The following TEX14 variants were observed in gnomAD, a reference collection of about 807,000 sequenced individuals.
TEX14 encodes testis expressed 14, intercellular bridge forming factor.
In TEX14, 168 loss-of-function variants were observed where a neutral mutation model predicts 178.6. That is an observed-to-expected ratio of 0.94 (90% CI 0.83 to 1.07). TEX14 has a LOEUF of 1.07. Ranked by LOEUF, TEX14 falls within the 50% of genes least tolerant of loss-of-function variation. The pLI is 0.00. For missense variants in TEX14, 1,730 were observed against 1,753.6 expected, an observed-to-expected ratio of 0.99 and a Z score of 0.24; for synonymous variants, 626 against 634.1, an observed-to-expected ratio of 0.99 and a Z score of 0.19.
chr17:58,679,014 C>T (rs1451942333), intron 1 of TEX14, among the ~76,000 whole-genome samples: 3 of 151,708 alleles, frequency 2.0e-5, no homozygotes, highest in East Asian at 3.9e-4. Context: ...ATTAGCAAGG[C>T]GTGGTGGCGT....
intron 2 of TEX14, among the ~76,000 whole-genome samples, chr17:58,632,350 T>C (rs1598404018): frequency 6.6e-6 from 1 of 152,264 alleles, no homozygotes; most frequent in Admixed American, 6.5e-5. Flanking sequence ...GAGTTTTTAT[T>C]CTACATGGCA....
chr17:58,596,990 GA>G (rs1348849161), intron 14 of TEX14, among the ~76,000 whole-genome samples: 1 of 152,196 alleles, frequency 6.6e-6, no homozygotes, highest in African/African-American at 2.4e-5. Context: ...ATTGTACAAT[GA>G]AAGAACAACA....
intron 14 of TEX14, 93 bp from the exon 15 acceptor site, chr17:58,593,754 G>A: frequency 9.2e-7 from 1 of 1,085,902 alleles, no homozygotes; most frequent in Non-Finnish European, 1.4e-6. Context: ...CTTGCTAAAT[G>A]TATAGAAATA....
chr17:58,599,703 T>A (rs755197171), intron 13 of TEX14, 37 bp from the exon 14 acceptor site: 1 of 1,544,624 alleles, frequency 6.5e-7, no homozygotes. Context: ...CTCATTAAAA[T>A]GAACATATTT....
chr17:58,573,241 A>T lies in TEX14; in HGVS notation c.3451T>A (p.Ser1151Thr), dbSNP rs140397968. 1.7e-5 allele frequency: 27 copies of T among 1,614,144 alleles called. No homozygotes were observed. The African/African-American group carries it at 3.5e-4, about 21-fold the overall frequency. Residue 1151 changes from serine to threonine, a missense_variant, in exon 23 of 32, where the codon TCA becomes ACA. Around this residue, in one of 2 missense-constraint regions of TEX14, gnomAD observed 941 missense variants for 1,072.4 expected, o/e 0.88. Coordinates refer to ENST00000349033, the MANE Select transcript of TEX14 (RefSeq NM_031272.5). ...YEPDSSFKEA[S>T]CKTPKINHAP... is the part of the protein sequence containing the mutation. ...TGGTTTATTTTGGGTGTTTTGCATG[A>T]AGCTTCCTTAAAAGAGCTGTCTGGT...
Position 58,613,522 on chromosome 17 carries a change from G to T in TEX14, c.904C>A (p.Leu302Ile). The T allele has an allele frequency of 6.2e-7, 1 of 1,614,194 alleles. No homozygotes were observed. The highest frequency in any genetic ancestry group is 8.5e-7 in the Non-Finnish European group (1 of 1,180,012). ...HSSKLRHPYL[L>I]QLMAVCLSQD... is the part of the protein sequence containing the mutation. ...GAGAGACACACAGCCATCAACTGTA[G>T]CAAGTAGGGGTGCCGCAGCTTGCTG... Residue 302 changes from leucine (L) to isoleucine (I), a missense_variant, in exon 9 of 32, where the codon CTA becomes ATA. Leu to Ile is a conservative substitution (Grantham distance 5). This residue lies in a region of TEX14 where 789 missense variants were observed against 681.2 expected (regional missense o/e 1.16). Coordinates refer to ENST00000349033, the MANE Select transcript of TEX14 (RefSeq NM_031272.5).
At chr17:58,645,824 T>C (rs940384410) in intron 2 of TEX14, among the ~76,000 whole-genome samples, 5 of 152,210 alleles carry the variant, frequency 3.3e-5, no homozygotes, top group Admixed American at 2.6e-4. Context: ...GACCCTCCCA[T>C]ACCAGTAAAA....
chr17:58,629,456 GAAAA>G (rs969535540), intron 3 of TEX14, among the ~76,000 whole-genome samples: 1 of 79,782 alleles, frequency 1.3e-5, no homozygotes, highest in African/African-American at 4.8e-5. Flanking sequence ...CATGTGTCAG[GAAAA>G]AAAAAAAAAA....
intron 1 of TEX14, among the ~76,000 whole-genome samples, chr17:58,664,258 A>G (rs1487131390): frequency 6.6e-6 from 1 of 152,208 alleles, no homozygotes; most frequent in Non-Finnish European, 1.5e-5. Flanking sequence ...AATGGTATCC[A>G]TGAATGCCAG....
At chr17:58,667,865 C>A (rs532270202) in intron 1 of TEX14, among the ~76,000 whole-genome samples, 1 of 151,042 alleles carries the variant, frequency 6.6e-6, no homozygotes, top group South Asian at 2.1e-4. Context: ...CGCACTCCAG[C>A]CTGGGCGACA....
intron 8 of TEX14, among the ~76,000 whole-genome samples, chr17:58,613,847 A>G (rs1567736126): frequency 1.3e-5 from 2 of 151,988 alleles, no homozygotes; most frequent in Non-Finnish European, 2.9e-5. Context: ...TTGTATTTCT[A>G]GTAGAGATGG....
intron 15 of TEX14, among the ~76,000 whole-genome samples, chr17:58,591,355 T>C (rs2045136053): frequency 6.6e-6 from 1 of 151,952 alleles, no homozygotes; most frequent in Non-Finnish European, 1.5e-5. Flanking sequence ...CCATCTCTAC[T>C]AAAAAATACA....
chr17:58,582,942 T>A (rs2044859220), intron 19 of TEX14, among the ~76,000 whole-genome samples: 1 of 151,822 alleles, frequency 6.6e-6, no homozygotes. Context: ...CTGATTACTA[T>A]GTGGCCAAAC....
At chr17:58,681,463 T>C (rs1213580456) in intron 1 of TEX14, among the ~76,000 whole-genome samples, 1 of 152,106 alleles carries the variant, frequency 6.6e-6, no homozygotes, top group Non-Finnish European at 1.5e-5. Flanking sequence ...TTCAAAGAAG[T>C]ATTATGTAAT....
Position 58,636,649 on chromosome 17 carries a change from CG to C in TEX14, c.137-6096del, listed in dbSNP as rs202245282. On this transcript the variant is annotated intron_variant, in intron 2 of 31. Coordinates refer to ENST00000349033, the MANE Select transcript of TEX14 (RefSeq NM_031272.5). ...ATATTGTGAAATATGTATTTGGGGC[CG>C]GGGGTGGTGGCTCATGCCTGTCATC... 7.8e-3 allele frequency among the ~76,000 whole-genome samples: 1,189 copies of C among 152,148 alleles called. 11 individuals carry two copies. Among genetic ancestry groups the C allele is most frequent in the African/African-American group, 0.026 (1,095 of 41,522 alleles).
intron 10 of TEX14, among the ~76,000 whole-genome samples, chr17:58,607,524 C>G (rs920976505): frequency 6.6e-6 from 1 of 152,162 alleles, no homozygotes; most frequent in Non-Finnish European, 1.5e-5. Context: ...ATCTGTGTCT[C>G]TAACCAATCA....
At chr17:58,570,714 C>T (rs1157529782) in intron 24 of TEX14, among the ~76,000 whole-genome samples, 1 of 150,698 alleles carries the variant, frequency 6.6e-6, no homozygotes, top group East Asian at 1.9e-4. Flanking sequence ...CAACCTTCAC[C>T]TCCCGGGTTC....
At position 58,663,067 on chromosome 17, in the gene TEX14, C is replaced by T. The variant is rs577099962; in HGVS notation, c.-1-11065G>A. ...GAGGTTGCAGTGAGCCGAGATGGCA[C>T]CACTGCACTCCAGCCTGGGTGACAG... is the stretch of plus-strand genomic sequence containing the variant. On this transcript the variant is annotated intron_variant, in intron 1 of 31. Coordinates refer to ENST00000349033, the MANE Select transcript of TEX14 (RefSeq NM_031272.5). Among the ~76,000 whole-genome samples the T allele has an allele frequency of 4.6e-5, 7 of 151,206 alleles. No individual in the cohort carries two copies. In the South Asian group the frequency reaches 1.0e-3, roughly 23 times the overall value.
chr17:58,591,653 T>G (rs79279100), intron 15 of TEX14, among the ~76,000 whole-genome samples: 3,903 of 150,904 alleles, frequency 0.026, 70 homozygotes, highest in Non-Finnish European at 0.043. Context: ...GAATAAAAAG[T>G]TTTTTTTTCC....
Sources: gnomAD v4.1 joint callset for allele counts (sites outside exome capture counted in the v4.1 genomes callset) on GRCh38, gnomAD v4.1.1 for gene constraint, gnomAD v4.1.1 regional missense constraint, MANE v1.5 for transcripts, NCBI Gene and HGNC (gene_info 2026-07-23, HGNC 2026-07-21) for gene names.